The following KCNQ3 variants were observed in gnomAD, a reference collection of about 807,000 sequenced individuals.
KCNQ3 encodes the protein potassium voltage-gated channel subfamily Q member 3, also known as potassium voltage-gated channel subfamily KQT member 3.
A neutral mutation model predicts 92.5 loss-of-function variants in KCNQ3; 30 were observed. The observed-to-expected ratio is 0.32, with a 90% CI of 0.24 to 0.44. The LOEUF (loss-of-function observed/expected upper bound fraction) is 0.44, where lower values mean the gene tolerates loss of function less well. KCNQ3 is among the 20% of genes least tolerant of loss of function. The pLI is 1.00. For missense variants in KCNQ3, 913 were observed against 1,140.3 expected (o/e 0.80, Z 2.87); for synonymous variants, 450 against 468.8 (o/e 0.96, Z 0.52).
At chr8:132,276,014 C>T (rs1816317084) in intron 1 of KCNQ3, among the ~76,000 whole-genome samples, 1 of 152,208 alleles carries the variant, frequency 6.6e-6, no homozygotes, top group African/African-American at 2.4e-5. Flanking sequence ...GGTCGCTACA[C>T]ATCAAGCACT....
chr8:132,448,502 G>GAAAAAA, intron 1 of KCNQ3, among the ~76,000 whole-genome samples: 48 of 93,842 alleles, frequency 5.1e-4, no homozygotes, highest in African/African-American at 1.5e-3. Flanking sequence ...GGAGAAATAT[G>GAAAAAA]AAAAAAAAAA....
At position 132,477,647 on chromosome 8, in the gene KCNQ3, G is replaced by A. The variant is rs189306966; in HGVS notation, c.386+2500C>T. Among the ~76,000 whole-genome samples the A allele has an allele frequency of 3.9e-4, 60 of 152,218 alleles. 1 individual carries two copies. Among genetic ancestry groups the A allele is most frequent in the African/African-American group, 1.3e-3 (55 of 41,536 alleles). ...TGTAGCTCCCAATTTATCAGAATCC[G>A]CAATCCCACCACCACCCCAGTTCAT... is the stretch of plus-strand genomic sequence containing the variant. On this transcript the variant is annotated intron_variant, in intron 1 of 14. Coordinates refer to ENST00000388996, the MANE Select transcript of KCNQ3 (RefSeq NM_004519.4).
At chr8:132,136,118 C>CAAAAAAAAAAAAAA (rs67331428) in intron 12 of KCNQ3, among the ~76,000 whole-genome samples, 21 of 40,020 alleles carry the variant, frequency 5.2e-4, no homozygotes, top group Admixed American at 1.0e-3. Flanking sequence ...GACTCCATCT[C>CAAAAAAAAAAAAAA]AAAAAAAAAA....
chr8:132,378,654 C>A (rs974532034), intron 1 of KCNQ3, among the ~76,000 whole-genome samples: 1 of 152,100 alleles, frequency 6.6e-6, no homozygotes, highest in Non-Finnish European at 1.5e-5. Flanking sequence ...AATGGAGGGA[C>A]CATGTGCTTT....
intron 1 of KCNQ3, among the ~76,000 whole-genome samples, chr8:132,191,041 T>C (rs573894146): frequency 6.6e-6 from 1 of 152,324 alleles, no homozygotes; most frequent in South Asian, 2.1e-4. Context: ...AGCAATGGCC[T>C]TGTTGAAATT....
chr8:132,247,535 T>G (rs888355949), intron 1 of KCNQ3, among the ~76,000 whole-genome samples: 1 of 152,002 alleles, frequency 6.6e-6, no homozygotes, highest in Non-Finnish European at 1.5e-5. Flanking sequence ...GCCTGTAATC[T>G]CAGCACTTTC....
At chr8:132,323,794 G>T (rs912922334) in intron 1 of KCNQ3, among the ~76,000 whole-genome samples, 31 of 151,894 alleles carry the variant, frequency 2.0e-4, no homozygotes, top group African/African-American at 7.3e-4. Flanking sequence ...TCGGCCTTGC[G>T]CACCTCAATT....
At chr8:132,161,886 A>G (rs569601429) in intron 9 of KCNQ3, among the ~76,000 whole-genome samples, 93 of 152,272 alleles carry the variant, frequency 6.1e-4, no homozygotes, top group African/African-American at 2.2e-3. Flanking sequence ...TCTCATTTCC[A>G]TCTGTAGGCT....
chr8:132,427,096 C>T (rs1005536552), intron 1 of KCNQ3, among the ~76,000 whole-genome samples: 9 of 152,160 alleles, frequency 5.9e-5, no homozygotes, highest in African/African-American at 1.9e-4. Flanking sequence ...TGTTGCTGCC[C>T]CCTAAGCACT....
intron 1 of KCNQ3, among the ~76,000 whole-genome samples, chr8:132,193,100 C>T (rs1827207036): frequency 6.6e-6 from 1 of 152,180 alleles, no homozygotes; most frequent in Admixed American, 6.5e-5. Context: ...CACCACTTCT[C>T]CCTCCCTTCT....
At chr8:132,241,458 T>A (rs993871145) in intron 1 of KCNQ3, among the ~76,000 whole-genome samples, 1 of 152,010 alleles carries the variant, frequency 6.6e-6, no homozygotes, top group African/African-American at 2.4e-5. Flanking sequence ...AGTGCAATGG[T>A]GCGGTATCGG....
rs1824689733 is a variant in KCNQ3 at position 132,126,942 on chromosome 8, A to C, written c.*2320T>G. The C allele has an allele frequency of 6.6e-6, 1 of 152,218 alleles. No individual in the cohort carries two copies. Among genetic ancestry groups the C allele is most frequent in the South Asian group, 2.1e-4 (1 of 4,824 alleles). 9.4% of individuals were successfully genotyped at this position (152,218 alleles called of 1,614,324 possible). A position where few individuals can be genotyped will look rare whatever the true frequency, so the allele number is the denominator to read the frequency against. ...AAAAAATTAATTGGCGCATATGTGG[A>C]GAGTATGACTCACTCTCCTTTATTG... On this transcript the variant is annotated 3_prime_UTR_variant, in exon 15 of 15. Transcript: ENST00000388996.
intron 1 of KCNQ3, among the ~76,000 whole-genome samples, chr8:132,209,822 C>A (rs1813795674): frequency 6.6e-6 from 1 of 152,102 alleles, no homozygotes; most frequent in African/African-American, 2.4e-5. Context: ...GTATTAAATG[C>A]ATCCTCAACT....
intron 1 of KCNQ3, among the ~76,000 whole-genome samples, chr8:132,422,108 AGATTTCACCTCCAAACTGGCTTG>A (rs1291175409): frequency 2.0e-5 from 3 of 152,140 alleles, no homozygotes; most frequent in African/African-American, 7.2e-5. Context: ...TGCCAACACC[AGATTTCACCTCCAAACTGGCTTG>A]GATTTCACCT....
intron 1 of KCNQ3, among the ~76,000 whole-genome samples, chr8:132,243,824 C>T (rs1487172870): frequency 6.6e-6 from 1 of 152,172 alleles, no homozygotes; most frequent in Non-Finnish European, 1.5e-5. Flanking sequence ...GGTAGAAATG[C>T]CTAGCAATTA....
At chr8:132,368,642 G>A (rs1177317012) in intron 1 of KCNQ3, among the ~76,000 whole-genome samples, 1 of 151,152 alleles carries the variant, frequency 6.6e-6, no homozygotes, top group Non-Finnish European at 1.5e-5. Flanking sequence ...GACTGAAAGA[G>A]ACCCTGTCTC....
At chr8:132,415,119 CT>C (rs1355243654) in intron 1 of KCNQ3, among the ~76,000 whole-genome samples, 2 of 152,220 alleles carry the variant, frequency 1.3e-5, no homozygotes, top group African/African-American at 2.4e-5. Flanking sequence ...GGCTGGCAGC[CT>C]CCTGGGCTGA....
intron 1 of KCNQ3, among the ~76,000 whole-genome samples, chr8:132,302,187 G>A (rs1055343631): frequency 1.1e-4 from 16 of 152,190 alleles, no homozygotes; most frequent in Non-Finnish European, 1.5e-4. Flanking sequence ...AGTAGAGAAC[G>A]TGAAGGAATC....
chr8:132,389,020 C>T (rs575109998), intron 1 of KCNQ3, among the ~76,000 whole-genome samples: 1 of 152,284 alleles, frequency 6.6e-6, no homozygotes, highest in South Asian at 2.1e-4. Flanking sequence ...GCCTCTACCT[C>T]ACACCATATA....
Sources: allele counts gnomAD v4.1 joint callset (sites outside exome capture counted in the v4.1 genomes callset), GRCh38; gene constraint gnomAD v4.1.1; transcripts MANE v1.5; gene names NCBI Gene and HGNC (gene_info 2026-07-23, HGNC 2026-07-21).